Variants in KLHL32 observed in about 807,000 individuals in gnomAD.
KLHL32 encodes the protein kelch-like protein 32.
In KLHL32, 35 loss-of-function variants were observed where a neutral mutation model predicts 64.8. The ratio of observed to expected loss-of-function variants is 0.54; its 90% CI spans 0.41 to 0.72. The LOEUF (loss-of-function observed/expected upper bound fraction) is 0.72. KLHL32 is among the 30% of genes least tolerant of loss of function. The pLI, the probability that KLHL32 is intolerant of heterozygous loss-of-function variation, is 0.00. For missense variants in KLHL32, 589 were observed against 768.5 expected (o/e 0.77, Z 2.76); for synonymous variants, 259 against 281.0 (o/e 0.92, Z 0.78).
intron 7 of KLHL32, among the ~76,000 whole-genome samples, chr6:97,122,702 C>T (rs1489722742): frequency 6.6e-6 from 1 of 152,182 alleles, no homozygotes; most frequent in East Asian, 1.9e-4. Flanking sequence ...GCAAACTTCC[C>T]TCTGTGGATT....
chr6:97,135,597 C>T (rs562541788), intron 10 of KLHL32, among the ~76,000 whole-genome samples: 8 of 152,130 alleles, frequency 5.3e-5, no homozygotes, highest in East Asian at 1.9e-4. Flanking sequence ...TGCATCTGGA[C>T]GATTTGTTAT....
At chr6:96,957,019 T>A (rs771894781) in intron 1 of KLHL32, among the ~76,000 whole-genome samples, 6 of 152,236 alleles carry the variant, frequency 3.9e-5, no homozygotes, top group Admixed American at 2.6e-4. Flanking sequence ...TTAGGGTAAC[T>A]GCAAATGTGG....
At chr6:97,002,745 G>T (rs6568701) in intron 3 of KLHL32, among the ~76,000 whole-genome samples, 3 of 151,888 alleles carry the variant, frequency 2.0e-5, no homozygotes, top group Non-Finnish European at 4.4e-5. Flanking sequence ...CTGTTCCTGC[G>T]TTAGTTCACT....
intron 7 of KLHL32, among the ~76,000 whole-genome samples, chr6:97,124,225 A>C (rs1411071614): frequency 6.6e-6 from 1 of 152,208 alleles, no homozygotes; most frequent in Non-Finnish European, 1.5e-5. Context: ...CAAAAGTTGC[A>C]GCACTAGGTT....
chr6:97,121,666 G>A lies in KLHL32; in HGVS notation c.1355-5738G>A, dbSNP rs529625228. ...TTTTGTTTTTTTTAATGTCCAAATC[G>A]TTGGCTACAAAACTCTTCTCACGGA... On this transcript the variant is annotated intron_variant, in intron 7 of 10. Transcript: ENST00000369261. Among the ~76,000 whole-genome samples, 5 of 151,950 alleles carry A rather than the reference G, an allele frequency of 3.3e-5. No individual in the cohort carries two copies. The East Asian group carries it at 7.7e-4, about 24-fold the overall frequency.
chr6:96,958,913 G>T (rs1034945381), intron 1 of KLHL32, among the ~76,000 whole-genome samples: 1 of 152,142 alleles, frequency 6.6e-6, no homozygotes, highest in African/African-American at 2.4e-5. Context: ...GGGAGGTGAT[G>T]GTGCTTCAAG....
At chr6:96,921,026 C>T (rs992123587), upstream of KLHL32, among the ~76,000 whole-genome samples, 1 of 152,052 alleles carries the variant, frequency 6.6e-6, no homozygotes, top group South Asian at 2.1e-4. Flanking sequence ...TCTTCTTTAC[C>T]CATATTCTCT....
At chr6:97,047,488 G>T (rs1194980568) in intron 4 of KLHL32, among the ~76,000 whole-genome samples, 1 of 152,148 alleles carries the variant, frequency 6.6e-6, no homozygotes, top group Non-Finnish European at 1.5e-5. Context: ...AACTGACTCT[G>T]GGCAGATCTG....
intron 1 of KLHL32, among the ~76,000 whole-genome samples, chr6:96,934,907 C>G (rs527333799): frequency 2.0e-5 from 3 of 152,012 alleles, no homozygotes; most frequent in Non-Finnish European, 4.4e-5. Flanking sequence ...GGATATAGCA[C>G]GATATGAGGA....
intron 6 of KLHL32, 75 bp from the exon 7 acceptor site, chr6:97,113,708 C>A (rs1310218245): frequency 1.3e-6 from 2 of 1,496,710 alleles, no homozygotes; most frequent in Non-Finnish European, 1.8e-6. Flanking sequence ...ATACAGGTAA[C>A]CTACCTATAT....
chr6:96,990,985 C>T (rs989815104), intron 3 of KLHL32, among the ~76,000 whole-genome samples: 3 of 151,880 alleles, frequency 2.0e-5, no homozygotes, highest in African/African-American at 4.8e-5. Flanking sequence ...GAATCACAGA[C>T]CCGTTACTAA....
upstream of KLHL32, among the ~76,000 whole-genome samples, chr6:96,921,658 T>C (rs1220765980): frequency 6.6e-6 from 1 of 152,242 alleles, no homozygotes; most frequent in African/African-American, 2.4e-5. Flanking sequence ...ATTTCCTCCT[T>C]ACTTGCTTCG....
intron 3 of KLHL32, among the ~76,000 whole-genome samples, chr6:97,001,535 A>G (rs886992802): frequency 5.9e-5 from 9 of 152,034 alleles, no homozygotes; most frequent in African/African-American, 1.9e-4. Flanking sequence ...TGGCACAATC[A>G]TGGCTCACCA....
intron 6 of KLHL32, chr6:97,105,533 G>T (rs1428092591): frequency 2.1e-6 from 1 of 471,048 alleles, no homozygotes. Flanking sequence ...TAAGGATATG[G>T]ACACTTGTGC....
At chr6:97,091,977 C>CTTTT (rs1206001664) in intron 6 of KLHL32, among the ~76,000 whole-genome samples, 2 of 133,172 alleles carry the variant, frequency 1.5e-5, no homozygotes, top group Non-Finnish European at 3.2e-5. Flanking sequence ...AATTCTCTTT[C>CTTTT]TTTCTTTTTT....
chr6:96,905,727 A>G, the KLHL32 span, among the ~76,000 whole-genome samples: 1 of 152,246 alleles, frequency 6.6e-6, no homozygotes, highest in South Asian at 2.1e-4. Flanking sequence ...ATACTAATAT[A>G]ATAGGAAACA....
chr6:97,003,667 A>G (rs1295741522), intron 3 of KLHL32, among the ~76,000 whole-genome samples: 1 of 152,106 alleles, frequency 6.6e-6, no homozygotes, highest in Non-Finnish European at 1.5e-5. Flanking sequence ...GATTTTTTGT[A>G]TATACTGTAA....
chr6:97,085,234 C>T lies in KLHL32; in HGVS notation c.520C>T (p.Leu174Phe). Residue 174 changes from leucine (L) to phenylalanine (F), a missense_variant, in exon 6 of 11, where the codon CTC (leucine) becomes TTC (phenylalanine). Leu to Phe is a conservative substitution (Grantham distance 22). Transcript: ENST00000369261. ...IDFLVKHLSE[L>F]LKSRPEEVLT... ...TTTCTTAGTGAAACATCTCTCTGAA[C>T]TCCTGAAGAGCCGCCCAGAAGAAGT... The T allele has an allele frequency of 6.2e-7, 1 of 1,614,042 alleles. No individual in the cohort carries two copies. Among genetic ancestry groups the T allele is most frequent in the Middle Eastern group, 1.7e-4 (1 of 5,972 alleles).
At position 97,063,133 on chromosome 6, in the gene KLHL32, A is replaced by G. The variant is rs111509595; in HGVS notation, c.313-1495A>G. 7.4e-3 allele frequency among the ~76,000 whole-genome samples: 1,126 copies of G among 152,352 alleles called. 14 individuals carry two copies. The highest frequency in any genetic ancestry group is 0.024 in the African/African-American group (1,012 of 41,582). On this transcript the variant is annotated intron_variant, in intron 4 of 10. Coordinates refer to ENST00000369261, the MANE Select transcript of KLHL32 (RefSeq NM_052904.4). The stretch of plus-strand genomic sequence containing the variant: ...TTAAAGAACCAGTCTGGTTGATATT[A>G]TTAAAACAGATAGTGTGAGTGGACA...
Sources: allele counts gnomAD v4.1 joint callset (sites outside exome capture counted in the v4.1 genomes callset), GRCh38; gene constraint gnomAD v4.1.1; transcripts MANE v1.5; gene names NCBI Gene and HGNC (gene_info 2026-07-23, HGNC 2026-07-21).